The following CPED1 variants were observed in gnomAD, a reference collection of about 807,000 sequenced individuals.
The protein encoded by CPED1 is cadherin-like and PC-esterase domain-containing protein 1.
CPED1 carries 114 observed loss-of-function variants against 128.2 expected under a neutral mutation model. The observed-to-expected ratio is 0.89, with a 90% CI of 0.76 to 1.04. CPED1 has a LOEUF of 1.04. CPED1 is among the 50% of genes least tolerant of loss of function. The probability of loss-of-function intolerance (pLI) is 0.00; values close to 1 mark genes in which losing one functional copy is unlikely to be tolerated. For synonymous variants in CPED1, 462 were observed against 426.7 expected, an observed-to-expected ratio of 1.08 and a Z score of -1.02; for missense variants, 1,211 against 1,207.1, an observed-to-expected ratio of 1.00 and a Z score of -0.05.
At chr7:121,029,189 C>T (rs1467063375) in intron 3 of CPED1, among the ~76,000 whole-genome samples, 1 of 152,122 alleles carries the variant, frequency 6.6e-6, no homozygotes, top group African/African-American at 2.4e-5. Context: ...TCTTTGTCCA[C>T]ATTCCTAATT....
intron 7 of CPED1, among the ~76,000 whole-genome samples, chr7:121,103,277 A>G (rs2116235616): frequency 6.6e-6 from 1 of 152,202 alleles, no homozygotes; most frequent in South Asian, 2.1e-4. Context: ...TTATCTTTTC[A>G]AGATCTTGCC....
At chr7:121,267,336 A>G in intron 21 of CPED1, 34 bp downstream of exon 21, 1 of 1,264,654 alleles carries the variant, frequency 7.9e-7, no homozygotes, top group Middle Eastern at 1.9e-4. Context: ...GGTGAATTTC[A>G]TGATTCCTAT....
intron 18 of CPED1, among the ~76,000 whole-genome samples, chr7:121,260,755 C>G (rs1385628896): frequency 2.6e-5 from 4 of 152,050 alleles, no homozygotes; most frequent in African/African-American, 9.7e-5. Context: ...TGGGAAGGTT[C>G]TAGTGGGTTC....
chr7:121,295,326 G>T, intron 22 of CPED1, 114 bp from the exon 23 acceptor site: 1 of 1,259,058 alleles, frequency 7.9e-7, no homozygotes, highest in East Asian at 2.6e-5. Flanking sequence ...TCATAGTCAT[G>T]CCCTTTTAGC....
chr7:121,047,853 T>G (rs1286808070), intron 4 of CPED1, among the ~76,000 whole-genome samples: 1 of 151,548 alleles, frequency 6.6e-6, no homozygotes, highest in African/African-American at 2.4e-5. Context: ...CGGGCGCCCG[T>G]AGTCCCACGC....
rs79035321 is a variant in CPED1 at position 121,109,518 on chromosome 7, A to T, written c.918+9424A>T. On this transcript the variant is annotated intron_variant, in intron 7 of 22. Transcript: ENST00000310396. ...TTTATTTACATATATATCCGTATTCATATGCACTATGTTTCCCCTCTACAT... is the reference window on the plus strand; with the variant it reads ...TTTATTTACATATATATCCGTATTCTTATGCACTATGTTTCCCCTCTACAT... 8.0e-3 allele frequency among the ~76,000 whole-genome samples: 1,219 copies of T among 152,302 alleles called. 19 individuals carry two copies. The highest frequency in any genetic ancestry group is 0.028 in the African/African-American group (1,159 of 41,570).
chr7:121,155,027 G>A (rs1796253922), intron 16 of CPED1, among the ~76,000 whole-genome samples: 1 of 152,088 alleles, frequency 6.6e-6, no homozygotes, highest in South Asian at 2.1e-4. Flanking sequence ...TAAGTTGCGG[G>A]TTGCAAAATC....
At chr7:121,114,780 ATTT>A (rs1459930287) in intron 7 of CPED1, among the ~76,000 whole-genome samples, 1 of 152,180 alleles carries the variant, frequency 6.6e-6, no homozygotes, top group African/African-American at 2.4e-5. Context: ...ATTCTTTTTT[ATTT>A]TTTAAAAAAA....
intron 11 of CPED1, among the ~76,000 whole-genome samples, 200 bp downstream of exon 11, chr7:121,128,686 A>G (rs1421534282): frequency 6.6e-6 from 1 of 152,192 alleles, no homozygotes; most frequent in African/African-American, 2.4e-5. Flanking sequence ...TTTGCAAACA[A>G]TATGTGACTT....
chr7:121,215,873 A>G (rs1404416513), intron 16 of CPED1, among the ~76,000 whole-genome samples: 3 of 152,086 alleles, frequency 2.0e-5, no homozygotes, highest in African/African-American at 4.8e-5. Flanking sequence ...CCAAGCAAGT[A>G]TTAAGTGGGA....
At chr7:121,256,141 A>AAAAAAAC (rs1791866950) in intron 18 of CPED1, among the ~76,000 whole-genome samples, 3 of 143,494 alleles carry the variant, frequency 2.1e-5, no homozygotes, top group African/African-American at 7.9e-5. Flanking sequence ...AAAAAAAAAA[A>AAAAAAAC]CAAAGCTTAT....
At chr7:121,003,520 T>C (rs1378897648) in intron 2 of CPED1, among the ~76,000 whole-genome samples, 1 of 152,182 alleles carries the variant, frequency 6.6e-6, no homozygotes, top group Non-Finnish European at 1.5e-5. Context: ...GATATTGGCA[T>C]TTCCTGCCAA....
At chr7:121,285,421 G>C (rs1433055238) in intron 22 of CPED1, among the ~76,000 whole-genome samples, 1 of 152,112 alleles carries the variant, frequency 6.6e-6, no homozygotes, top group Non-Finnish European at 1.5e-5. Flanking sequence ...TTCTGCAGCT[G>C]GCTTAAATTT....
chr7:121,040,129 A>G (rs1563001944), intron 3 of CPED1, among the ~76,000 whole-genome samples: 1 of 152,064 alleles, frequency 6.6e-6, no homozygotes, highest in Non-Finnish European at 1.5e-5. Context: ...AAGGCTATGG[A>G]GCCAGAAGCA....
chr7:121,289,154 A>G (rs1387547066), intron 22 of CPED1, among the ~76,000 whole-genome samples: 2 of 152,196 alleles, frequency 1.3e-5, no homozygotes, highest in African/African-American at 2.4e-5. Context: ...ATTCCTCACT[A>G]CAACCTCCTG....
At chr7:121,147,517 TA>T (rs1796051310) in intron 16 of CPED1, among the ~76,000 whole-genome samples, 1 of 144,504 alleles carries the variant, frequency 6.9e-6, no homozygotes, top group Non-Finnish European at 1.6e-5. Flanking sequence ...AAAATATACT[TA>T]TAAGAAAATT....
intron 16 of CPED1, among the ~76,000 whole-genome samples, chr7:121,166,161 A>G (rs1419046215): frequency 1.3e-5 from 2 of 152,170 alleles, no homozygotes; most frequent in African/African-American, 2.4e-5. Flanking sequence ...TCACCAGAAG[A>G]CCACATTTTG....
intron 7 of CPED1, among the ~76,000 whole-genome samples, chr7:121,107,010 T>G (rs994251051): frequency 2.6e-5 from 4 of 152,102 alleles, no homozygotes; most frequent in Admixed American, 6.6e-5. Context: ...CCATCTTAAT[T>G]TTTTAGTTTC....
chr7:121,210,499 T>G (rs1292035842), intron 16 of CPED1, among the ~76,000 whole-genome samples: 1 of 151,956 alleles, frequency 6.6e-6, no homozygotes, highest in Non-Finnish European at 1.5e-5. Context: ...ATCCTGTTGT[T>G]TACAACAACA....
Sources: allele counts gnomAD v4.1 joint callset (sites outside exome capture counted in the v4.1 genomes callset), GRCh38; gene constraint gnomAD v4.1.1; transcripts MANE v1.5; gene names NCBI Gene and HGNC (gene_info 2026-07-23, HGNC 2026-07-21).